Variants in ANO3 observed in about 807,000 individuals in gnomAD.
The protein encoded by ANO3 is anoctamin 3, also known as anoctamin-3.
In ANO3, 99 loss-of-function variants were observed where a neutral mutation model predicts 144.8. The observed-to-expected ratio is 0.68, with a 90% confidence interval of 0.58 to 0.81. The LOEUF is 0.81. Ranked by LOEUF, ANO3 falls within the 30% of genes least tolerant of loss-of-function variation. ANO3 has a pLI of 0.00. For missense variants in ANO3, 905 were observed against 1,202.2 expected (o/e 0.75, Z 3.66); for synonymous variants, 414 against 392.6 (o/e 1.05, Z -0.64).
chr11:26,545,449 A>G (rs1432733591), intron 11 of ANO3, among the ~76,000 whole-genome samples: 2 of 152,068 alleles, frequency 1.3e-5, no homozygotes, highest in Non-Finnish European at 2.9e-5. Context: ...TTTTAGTTGC[A>G]ATCTGTTTTT....
At chr11:26,312,107 T>C in intron 1 of ANO3, among the ~76,000 whole-genome samples, 1 of 152,212 alleles carries the variant, frequency 6.6e-6, no homozygotes, top group East Asian at 1.9e-4. Flanking sequence ...TGGTTTTCTG[T>C]CCTTGCGATA....
At chr11:26,478,541 C>G (rs577848019) in intron 4 of ANO3, among the ~76,000 whole-genome samples, 10 of 152,062 alleles carry the variant, frequency 6.6e-5, no homozygotes, top group Non-Finnish European at 1.5e-4. Flanking sequence ...ACAAATTTCC[C>G]AAGCTGAATT....
chr11:26,195,746 G>A (rs532508730), intron 1 of ANO3, among the ~76,000 whole-genome samples: 3 of 152,174 alleles, frequency 2.0e-5, no homozygotes, highest in South Asian at 4.2e-4. Flanking sequence ...ACTCCCAAGG[G>A]TCATCATTAC....
At chr11:26,602,446 G>T (rs1373982734) in intron 17 of ANO3, among the ~76,000 whole-genome samples, 2 of 152,040 alleles carry the variant, frequency 1.3e-5, no homozygotes, top group African/African-American at 4.8e-5. Context: ...TAGAAGAGGG[G>T]CCAGGCATGG....
intron 1 of ANO3, among the ~76,000 whole-genome samples, chr11:26,256,056 A>T (rs936601368): frequency 6.6e-6 from 1 of 152,138 alleles, no homozygotes; most frequent in Non-Finnish European, 1.5e-5. Flanking sequence ...AAGGCAGGAC[A>T]CTATCAGGAA....
intron 14 of ANO3, among the ~76,000 whole-genome samples, chr11:26,595,510 T>A (rs1851597154): frequency 7.0e-6 from 1 of 141,896 alleles, no homozygotes; most frequent in South Asian, 2.3e-4. Context: ...CTTTAAGGCT[T>A]GGCTGAGTGC....
At chr11:26,351,040 TTTAA>T (rs1289379906) in intron 1 of ANO3, among the ~76,000 whole-genome samples, 3 of 152,238 alleles carry the variant, frequency 2.0e-5, no homozygotes, top group Non-Finnish European at 4.4e-5. Context: ...CTAGTAATGC[TTTAA>T]TTATTATTTC....
chr11:26,618,737 C>G (rs561996332), intron 17 of ANO3, among the ~76,000 whole-genome samples: 30 of 152,130 alleles, frequency 2.0e-4, no homozygotes, highest in Non-Finnish European at 3.8e-4. Flanking sequence ...TTTTGCTTGT[C>G]CCCCAGGGAA....
intron 24 of ANO3, among the ~76,000 whole-genome samples, chr11:26,650,090 A>C (rs756063472): frequency 2.6e-5 from 4 of 151,984 alleles, no homozygotes; most frequent in Non-Finnish European, 2.9e-5. Context: ...AGGAATATAG[A>C]CTAATTTCAA....
chr11:26,377,570 T>C (rs971508125), intron 1 of ANO3, among the ~76,000 whole-genome samples: 2 of 151,980 alleles, frequency 1.3e-5, no homozygotes, highest in African/African-American at 4.8e-5. Context: ...AAGGATGTAA[T>C]GAGAAATTTT....
intron 14 of ANO3, 39 bp from the exon 15 acceptor site, chr11:26,598,326 G>T: frequency 2.6e-6 from 3 of 1,142,564 alleles, no homozygotes; most frequent in Non-Finnish European, 3.6e-6. Flanking sequence ...GCAATATGAT[G>T]TGATTTGGGT....
intron 7 of ANO3, among the ~76,000 whole-genome samples, chr11:26,527,429 A>G (rs764911429): frequency 3.9e-5 from 6 of 152,068 alleles, no homozygotes; most frequent in Non-Finnish European, 7.4e-5. Context: ...AAATCTCTTT[A>G]TTCTATGTCT....
chr11:26,304,582 A>G lies in ANO3; in HGVS notation c.155-5063A>G, dbSNP rs1167246311. On this transcript the variant is annotated intron_variant, in intron 1 of 27. Transcript: ENST00000672621. ...ATAAATACAATAGGGGAGATTGCAAATAAGTCATAGTACAGCCATTTGATA... is the reference window on the plus strand; with the variant it reads ...ATAAATACAATAGGGGAGATTGCAAGTAAGTCATAGTACAGCCATTTGATA... Among the ~76,000 whole-genome samples, 4 of 152,186 alleles carry G rather than the reference A, an allele frequency of 2.6e-5. No homozygotes were observed. The South Asian group carries it at 8.3e-4, about 31-fold the overall frequency.
At position 26,559,689 on chromosome 11, in the gene ANO3, G is replaced by A. The variant is rs901898490; in HGVS notation, c.1387-30G>A. 7.2e-6 allele frequency: 11 copies of A among 1,529,064 alleles called. No individual in the cohort carries two copies. The African/African-American group carries it at 1.2e-4, about 17-fold the overall frequency. The allele number at this position is 1,529,064 out of a possible 1,614,324, so 94.7% of individuals were successfully genotyped here. On this transcript the variant is annotated intron_variant, in intron 13 of 26. Transcript: ENST00000256737. ...CTGGCTTATTATAATCAATTTGCAT[G>A]ACTAATATTTCTGTTTGTTTTCTAC...
chr11:26,233,103 G>A (rs1470735953), intron 1 of ANO3, among the ~76,000 whole-genome samples: 2 of 151,944 alleles, frequency 1.3e-5, no homozygotes, highest in Non-Finnish European at 2.9e-5. Flanking sequence ...TGTAGTCCCA[G>A]CTACTCGGGA....
intron 1 of ANO3, among the ~76,000 whole-genome samples, chr11:26,259,237 G>A (rs1189497797): frequency 6.6e-6 from 1 of 152,032 alleles, no homozygotes; most frequent in African/African-American, 2.4e-5. Flanking sequence ...ATTGACTCTT[G>A]TGTTTGTATC....
At chr11:26,623,530 G>A (rs1290207632) in intron 17 of ANO3, among the ~76,000 whole-genome samples, 1 of 152,036 alleles carries the variant, frequency 6.6e-6, no homozygotes, top group Non-Finnish European at 1.5e-5. Context: ...TAGGAGAGGG[G>A]AAAAGATGGC....
At chr11:26,551,481 TG>T (rs1349058208) in intron 12 of ANO3, among the ~76,000 whole-genome samples, 1 of 151,986 alleles carries the variant, frequency 6.6e-6, no homozygotes, top group Non-Finnish European at 1.5e-5. Context: ...TTGTGTACCA[TG>T]TATCAAGTTG....
At chr11:26,245,968 A>G (rs1852782053) in intron 1 of ANO3, among the ~76,000 whole-genome samples, 1 of 152,212 alleles carries the variant, frequency 6.6e-6, no homozygotes, top group African/African-American at 2.4e-5. Flanking sequence ...AGTTCACTTA[A>G]TGAAAACTCC....
Sources: allele counts gnomAD v4.1 joint callset (sites outside exome capture counted in the v4.1 genomes callset), GRCh38; gene constraint gnomAD v4.1.1; transcripts MANE v1.5; gene names NCBI Gene and HGNC (gene_info 2026-07-23, HGNC 2026-07-21).